The following RNF150 variants were observed in gnomAD, a reference collection of about 807,000 sequenced individuals.
RNF150 encodes ring finger protein 150.
A neutral mutation model predicts 39.3 loss-of-function variants in RNF150; 24 were observed. The observed-to-expected ratio is 0.61, with a 90% CI of 0.44 to 0.86. The LOEUF (loss-of-function observed/expected upper bound fraction) is 0.86. Among genes scored for constraint, RNF150 ranks in the 40% least tolerant of loss-of-function variants. The pLI is 0.00. For missense variants in RNF150, 502 were observed against 587.8 expected (o/e 0.85, Z 1.51); for synonymous variants, 255 against 227.3 (o/e 1.12, Z -1.10).
Position 140,905,953 on chromosome 4 carries a change from C to T in RNF150, c.1198+5191G>A, listed in dbSNP as rs184960462. On this transcript the variant is annotated intron_variant, in intron 6 of 6. Transcript: ENST00000515673. Reference sequence around the variant, plus strand: ...GTGAGGAGAAATTAGGAGACAGAGGCTGAAAATGGACTCCTGGGCACACAG... The same window carrying T: ...GTGAGGAGAAATTAGGAGACAGAGGTTGAAAATGGACTCCTGGGCACACAG... Among the ~76,000 whole-genome samples, 288 of 152,130 alleles carry T rather than the reference C, an allele frequency of 1.9e-3. 3 individuals carry two copies. The highest frequency in any genetic ancestry group is 6.4e-3 in the African/African-American group (266 of 41,490).
intron 1 of RNF150, among the ~76,000 whole-genome samples, chr4:141,179,693 A>G (rs754546785): frequency 6.6e-6 from 1 of 152,190 alleles, no homozygotes; most frequent in Admixed American, 6.5e-5. Flanking sequence ...TAAGCAATAG[A>G]TATCAGCCCA....
intron 1 of RNF150, among the ~76,000 whole-genome samples, chr4:141,110,350 T>A (rs1224263844): frequency 6.6e-6 from 1 of 152,160 alleles, no homozygotes; most frequent in Non-Finnish European, 1.5e-5. Context: ...CTTTGTTTTG[T>A]AACTACACAG....
chr4:140,994,563 T>C (rs1734300987), intron 1 of RNF150, among the ~76,000 whole-genome samples: 1 of 152,176 alleles, frequency 6.6e-6, no homozygotes, highest in African/African-American at 2.4e-5. Context: ...AGTGACCTTA[T>C]TGTGGTGGCT....
intron 2 of RNF150, among the ~76,000 whole-genome samples, chr4:140,953,906 G>T (rs1732643689): frequency 6.6e-6 from 1 of 152,130 alleles, no homozygotes; most frequent in African/African-American, 2.4e-5. Context: ...TTGGGTTTTT[G>T]ATTGCACCCA....
chr4:141,093,095 G>A lies in RNF150; in HGVS notation c.484+39230C>T, dbSNP rs76808246. Among the ~76,000 whole-genome samples the A allele has an allele frequency of 1.2e-3, 190 of 152,098 alleles. 2 individuals carry two copies. In the East Asian group the frequency reaches 0.017, roughly 14 times the overall value. On this transcript the variant is annotated intron_variant, in intron 1 of 6. Coordinates refer to ENST00000515673, the MANE Select transcript of RNF150 (RefSeq NM_020724.2). The stretch of plus-strand genomic sequence containing the variant: ...AAAAAGGGAACTGGTGGCTGGGCGC[G>A]GCGGCTCATGCCTGTAATCCCAGCA...
Position 141,132,577 on chromosome 4 carries a change from C to G in RNF150, c.232G>C (p.Gly78Arg). 1 of 1,578,258 alleles carries G rather than the reference C, an allele frequency of 6.3e-7. No homozygotes were observed. Among genetic ancestry groups the G allele is most frequent in the South Asian group, 1.2e-5 (1 of 86,274 alleles). ...GCGTCCTGCTTGGGCGAGTGCTCTC[C>G]GTAGCGCCCGCACTCCGTCTTCTCC... ...HTEKTECGRY[G>R]EHSPKQDARG... The change falls in exon 1 of 7, where the codon GGA becomes CGA. Residue 78 changes from glycine (G) to arginine (R), a missense_variant. Physicochemically the swap from Gly to Arg is moderately radical, Grantham distance 125. Transcript: ENST00000515673. The surrounding 1 kb of genome is among the most constrained non-coding windows in gnomAD (Gnocchi z 4.9).
At chr4:141,138,100 T>C (rs1189500990), upstream of RNF150, among the ~76,000 whole-genome samples, 1 of 152,248 alleles carries the variant, frequency 6.6e-6, no homozygotes, top group African/African-American at 2.4e-5. Flanking sequence ...ACGCTGCTTT[T>C]GCTTCTTGCC....
intron 1 of RNF150, among the ~76,000 whole-genome samples, chr4:141,121,140 T>G (rs924889966): frequency 2.0e-5 from 3 of 152,172 alleles, no homozygotes; most frequent in Non-Finnish European, 2.9e-5. Flanking sequence ...ACATCTATGA[T>G]GGACAGCATA....
At chr4:141,200,949 A>T (rs1371651932) in intron 1 of RNF150, among the ~76,000 whole-genome samples, 1 of 152,014 alleles carries the variant, frequency 6.6e-6, no homozygotes, top group African/African-American at 2.4e-5. Context: ...ACTAGTTAGG[A>T]CTCCTTTGGT....
intron 1 of RNF150, among the ~76,000 whole-genome samples, chr4:141,139,164 A>G (rs1044420959): frequency 3.9e-5 from 6 of 152,180 alleles, no homozygotes; most frequent in Non-Finnish European, 5.9e-5. Context: ...GTGGTGAGCC[A>G]TGACCAATCA....
chr4:141,080,548 A>ATAT (rs1017936933), intron 1 of RNF150, among the ~76,000 whole-genome samples: 6 of 152,224 alleles, frequency 3.9e-5, no homozygotes, highest in African/African-American at 1.4e-4. Context: ...TTTCTCAAAT[A>ATAT]TATCCCCTTT....
chr4:141,201,985 C>T (rs1184621233), intron 1 of RNF150, among the ~76,000 whole-genome samples: 1 of 152,108 alleles, frequency 6.6e-6, no homozygotes, highest in Non-Finnish European at 1.5e-5. Context: ...TGGGAGCTTG[C>T]TTGCCCTTTC....
chr4:140,917,871 C>T (rs2111294512), intron 5 of RNF150, among the ~76,000 whole-genome samples: 1 of 151,924 alleles, frequency 6.6e-6, no homozygotes, highest in Admixed American at 6.6e-5. Flanking sequence ...CAAACTAGAA[C>T]TCCGGATTAA....
At chr4:141,206,142 G>A (rs954668108) in intron 1 of RNF150, among the ~76,000 whole-genome samples, 5 of 151,868 alleles carry the variant, frequency 3.3e-5, no homozygotes, top group African/African-American at 7.3e-5. Context: ...GTTCCTGGCC[G>A]GGCGTGGTGG....
At chr4:140,935,044 TAAA>T (rs1560975685) in intron 4 of RNF150, among the ~76,000 whole-genome samples, 9 of 4,360 alleles carry the variant, frequency 2.1e-3, no homozygotes, top group East Asian at 0.02. Context: ...TATATATATA[TAAA>T]TATATATATT....
At chr4:141,090,674 G>T (rs368574059) in intron 1 of RNF150, among the ~76,000 whole-genome samples, 1 of 152,140 alleles carries the variant, frequency 6.6e-6, no homozygotes, top group Non-Finnish European at 1.5e-5. Context: ...GATGGCTACA[G>T]GGTCTATAAA....
At chr4:141,134,837 G>A (rs1727000702), upstream of RNF150, among the ~76,000 whole-genome samples, 2 of 152,224 alleles carry the variant, frequency 1.3e-5, no homozygotes. Flanking sequence ...GGAGTCCACT[G>A]CTAGAAACCC....
intron 1 of RNF150, among the ~76,000 whole-genome samples, chr4:141,027,066 C>G (rs368079887): frequency 5.0e-4 from 76 of 152,246 alleles, no homozygotes; most frequent in African/African-American, 1.8e-3. Flanking sequence ...TGCCTTCTCC[C>G]AGTTAAATAC....
At chr4:140,906,739 T>C (rs1056305081) in intron 6 of RNF150, among the ~76,000 whole-genome samples, 2 of 152,198 alleles carry the variant, frequency 1.3e-5, no homozygotes, top group African/African-American at 4.8e-5. Context: ...TCATGCCAAG[T>C]GCTTTTCAGA....
Sources: gnomAD v4.1 joint callset for allele counts (sites outside exome capture counted in the v4.1 genomes callset) on GRCh38, gnomAD v4.1.1 for gene constraint, Gnocchi (gnomAD v3.1) non-coding constraint, MANE v1.5 for transcripts, NCBI Gene and HGNC (gene_info 2026-07-23, HGNC 2026-07-21) for gene names.